CAPZB: variants seen among roughly 807,000 people sequenced by gnomAD.
CAPZB encodes the protein F-actin-capping protein subunit beta.
In CAPZB, 2 loss-of-function variants were observed where a neutral mutation model predicts 38.1. The ratio of observed to expected loss-of-function variants is 0.05; its 90% CI spans 0.02 to 0.17. CAPZB has a LOEUF of 0.17. CAPZB is among the 10% of genes least tolerant of loss of function. The pLI is 1.00. For missense variants in CAPZB, 161 were observed against 334.2 expected, an observed-to-expected ratio of 0.48 and a Z score of 4.04; for synonymous variants, 107 against 127.4, an observed-to-expected ratio of 0.84 and a Z score of 1.08.
At chr1:19,339,814 C>CT (rs1195204051) in intron 8 of CAPZB, among the ~76,000 whole-genome samples, 197 bp from the exon 9 acceptor site, 1 of 152,234 alleles carries the variant, frequency 6.6e-6, no homozygotes, top group Non-Finnish European at 1.5e-5. Flanking sequence ...CCTGCACCCT[C>CT]TGCACCTTGC....
At chr1:19,355,283 C>T (rs1015766569) in intron 6 of CAPZB, among the ~76,000 whole-genome samples, 2 of 152,142 alleles carry the variant, frequency 1.3e-5, no homozygotes, top group African/African-American at 4.8e-5. Context: ...CACTTGAGGT[C>T]AGGAGTTCAA....
intron 1 of CAPZB, among the ~76,000 whole-genome samples, chr1:19,473,723 G>C (rs1184349563): frequency 6.6e-6 from 1 of 152,178 alleles, no homozygotes; most frequent in East Asian, 1.9e-4. Flanking sequence ...AATCAGCCGG[G>C]CATAGTGGCA....
In CAPZB at chr1:19,342,972, G is replaced by A. The variant is rs140973710; in HGVS notation, c.731+1386C>T. On this transcript the variant is annotated intron_variant, in intron 8 of 8. Transcript: ENST00000264202. ...GGAAATTCAGGGAGACCCACGAGGC[G>A]GAAGGGGGGATGCCGTGGCGGCTCT... 9.1e-4 allele frequency: 672 copies of A among 736,994 alleles called. 1 individual carries two copies. Among genetic ancestry groups the A allele is most frequent in the African/African-American group, 7.7e-3 (450 of 58,192 alleles). 45.7% of individuals were successfully genotyped at this position (736,994 alleles called of 1,614,324 possible).
chr1:19,345,587 C>T (rs1049027576), intron 6 of CAPZB, among the ~76,000 whole-genome samples: 5 of 152,250 alleles, frequency 3.3e-5, no homozygotes, highest in African/African-American at 9.6e-5. Flanking sequence ...AAGACTCACT[C>T]GGTTTGTCTT....
At chr1:19,340,085 G>A (rs2100213165) in intron 8 of CAPZB, among the ~76,000 whole-genome samples, 1 of 152,226 alleles carries the variant, frequency 6.6e-6, no homozygotes. Flanking sequence ...GGGCCATGCG[G>A]GTTCCTCTAT....
At chr1:19,383,762 AT>A (rs2100451364) in intron 3 of CAPZB, among the ~76,000 whole-genome samples, 1 of 152,154 alleles carries the variant, frequency 6.6e-6, no homozygotes, top group South Asian at 2.1e-4. Flanking sequence ...CTTTGATCTA[AT>A]GGGCCTCTCA....
rs1187141423 is a variant in CAPZB at position 19,386,911 on chromosome 1, G to A, written c.94-1285C>T. 3.9e-5 allele frequency among the ~76,000 whole-genome samples: 6 copies of A among 152,200 alleles called. No homozygotes were observed. In the East Asian group the frequency reaches 1.2e-3, roughly 29 times the overall value. On this transcript the variant is annotated intron_variant, in intron 2 of 8. Transcript: ENST00000264202. ...CAATGTGCTGGGCTTACAGGTGTGAGCCCCCAGGCCTGGCCTGTACCTGTG... is the reference window on the plus strand; with the variant it reads ...CAATGTGCTGGGCTTACAGGTGTGAACCCCCAGGCCTGGCCTGTACCTGTG...
In CAPZB at chr1:19,389,577, G is replaced by A. The variant is rs79853547; in HGVS notation, c.94-3951C>T. On this transcript the variant is annotated intron_variant, in intron 2 of 8. Coordinates refer to ENST00000264202, the MANE Select transcript of CAPZB (RefSeq NM_004930.5). Reference sequence around the variant, plus strand: ...CGAGTAGCTGGGATTACAGGTGTGTGCCACCACGCCCAGCTAATTTTTCTA... The same window carrying A: ...CGAGTAGCTGGGATTACAGGTGTGTACCACCACGCCCAGCTAATTTTTCTA... Among the ~76,000 whole-genome samples the A allele has an allele frequency of 8.4e-3, 1,277 of 152,056 alleles. 42 individuals carry two copies. In the East Asian group the frequency reaches 0.099, roughly 12 times the overall value.
intron 4 of CAPZB, among the ~76,000 whole-genome samples, chr1:19,371,765 G>A (rs752872368): frequency 2.6e-5 from 4 of 152,210 alleles, no homozygotes; most frequent in Admixed American, 6.5e-5. Context: ...CTCACGTCCC[G>A]AGGAAGGGGT....
intron 1 of CAPZB, among the ~76,000 whole-genome samples, chr1:19,439,740 C>A (rs1375464149): frequency 6.6e-6 from 1 of 152,260 alleles, no homozygotes; most frequent in Admixed American, 6.5e-5. Flanking sequence ...GTGTCCTGCA[C>A]ATGGCACGCT....
At chr1:19,440,363 T>A (rs1251978827) in intron 1 of CAPZB, among the ~76,000 whole-genome samples, 2 of 152,204 alleles carry the variant, frequency 1.3e-5, no homozygotes, top group African/African-American at 4.8e-5. Flanking sequence ...GTAATGAATA[T>A]GTGAGAAATA....
At chr1:19,425,381 G>A (rs1317699940) in intron 1 of CAPZB, among the ~76,000 whole-genome samples, 1 of 145,628 alleles carries the variant, frequency 6.9e-6, no homozygotes, top group Non-Finnish European at 1.5e-5. Context: ...TGTTTCTGAT[G>A]CTGAGTGGTG....
In CAPZB at chr1:19,357,263, A is replaced by AATCTT. The variant is rs3042969; in HGVS notation, c.471+158_471+159insAAGAT. Among the ~76,000 whole-genome samples, 68,438 of 151,514 alleles carry AATCTT rather than the reference A, an allele frequency of 0.45. 15,635 individuals are homozygous for AATCTT. Among genetic ancestry groups the AATCTT allele is most frequent in the East Asian group, 0.56 (2,856 of 5,128 alleles). On this transcript the variant is annotated intron_variant, in intron 5 of 8. Transcript: ENST00000264202. The surrounding 1 kb of genome is among the most constrained non-coding windows in gnomAD (Gnocchi z 4.3). The stretch of plus-strand genomic sequence containing the variant: ...GAACTTAATCATCAATGACTACTGC[A>AATCTT]GACTTATCTTTATCCAAATGGCTTT...
rs3748755 is a variant in CAPZB at position 19,357,512 on chromosome 1, G to C, written c.381C>G (p.Gly127=). The C allele has an allele frequency of 9.5e-3, 15,377 of 1,614,002 alleles. 558 individuals are homozygous for C. The East Asian group carries it at 0.14, about 14-fold the overall frequency. Reference sequence around the variant, plus strand: ...TCTTTATGAGGATCACTCCAGCAAAGCCATGATCCAGATCCCAGAGGTAGA... The same window carrying C: ...TCTTTATGAGGATCACTCCAGCAAACCCATGATCCAGATCCCAGAGGTAGA... ...SSVYLWDLDH[G]FAGVILIKKA... Residue 127 remains glycine (G), a synonymous_variant, in exon 5 of 9, where the codon GGC becomes GGG. Coordinates refer to ENST00000264202, the MANE Select transcript of CAPZB (RefSeq NM_004930.5). This position sits in a 1 kb window ranked among gnomAD's most constrained non-coding sequence, Gnocchi z 4.3.
intron 1 of CAPZB, among the ~76,000 whole-genome samples, chr1:19,452,454 CTA>C (rs1163803298): frequency 6.6e-6 from 1 of 152,222 alleles, no homozygotes; most frequent in African/African-American, 2.4e-5. Flanking sequence ...CGGAACAATT[CTA>C]TGACTCTCAA....
chr1:19,480,834 A>C (rs2094625751), intron 1 of CAPZB, among the ~76,000 whole-genome samples: 1 of 152,228 alleles, frequency 6.6e-6, no homozygotes, highest in African/African-American at 2.4e-5. Flanking sequence ...CAAACTCCAA[A>C]GCAGCCATCG....
At chr1:19,352,068 C>G (rs1045333350) in intron 6 of CAPZB, among the ~76,000 whole-genome samples, 5 of 152,240 alleles carry the variant, frequency 3.3e-5, no homozygotes, top group African/African-American at 1.2e-4. Flanking sequence ...CAGCTGCAGC[C>G]AGGCCTCCCC....
Position 19,449,132 on chromosome 1 carries a change from G to A in CAPZB, c.4-29382C>T, listed in dbSNP as rs1263445185. The A allele has an allele frequency of 5.7e-6, 8 of 1,402,570 alleles. No homozygotes were observed. The East Asian group carries it at 2.1e-4, about 37-fold the overall frequency. The allele number at this position is 1,402,570 out of a possible 1,614,324, so 86.9% of individuals were successfully genotyped here. A position where few individuals can be genotyped will look rare whatever the true frequency, so the allele number is the denominator to read the frequency against. On this transcript the variant is annotated intron_variant, in intron 1 of 8. Transcript: ENST00000264202. The stretch of plus-strand genomic sequence containing the variant: ...CAGTTCCATTGCCACAAAAACTCCT[G>A]ACCGTAGAGTCTCTGTAAGGCTGAT...
intron 2 of CAPZB, among the ~76,000 whole-genome samples, chr1:19,404,703 C>T (rs976262744): frequency 2.0e-5 from 3 of 152,142 alleles, no homozygotes; most frequent in Admixed American, 6.5e-5. Context: ...AACAGGGAAA[C>T]GCAGGCTGCT....
Sources: allele counts gnomAD v4.1 joint callset (sites outside exome capture counted in the v4.1 genomes callset), GRCh38; gene constraint gnomAD v4.1.1; non-coding constraint Gnocchi (gnomAD v3.1); transcripts MANE v1.5; gene names NCBI Gene and HGNC (gene_info 2026-07-23, HGNC 2026-07-21).